The following NCBP3 variants were observed in gnomAD, a reference collection of about 807,000 sequenced individuals.
NCBP3 encodes nuclear cap-binding protein subunit 3.
A neutral mutation model predicts 75.7 loss-of-function variants in NCBP3; 20 were observed. The observed-to-expected ratio is 0.26, with a 90% CI of 0.19 to 0.38. The LOEUF (loss-of-function observed/expected upper bound fraction) is 0.38, where lower values mean the gene tolerates loss of function less well. Ranked by LOEUF, NCBP3 falls within the 10% of genes least tolerant of loss-of-function variation. NCBP3 has a pLI of 1.00. For missense variants in NCBP3, 678 were observed against 796.9 expected (o/e 0.85, Z 1.80); for synonymous variants, 293 against 290.5 (o/e 1.01, Z -0.09).
intron 8 of NCBP3, 57 bp from the exon 9 acceptor site, chr17:3,821,409 T>C: frequency 7.4e-7 from 1 of 1,344,938 alleles, no homozygotes; most frequent in South Asian, 1.2e-5. Context: ...GACCTTGAAA[T>C]CCACTATTTC....
intron 11 of NCBP3, among the ~76,000 whole-genome samples, chr17:3,815,816 T>TA (rs1316832171): frequency 6.6e-6 from 1 of 152,188 alleles, no homozygotes; most frequent in African/African-American, 2.4e-5. Flanking sequence ...ATAAGGGACT[T>TA]AAGCATCAAT....
At chr17:3,819,849 T>C (rs982880864) in intron 9 of NCBP3, among the ~76,000 whole-genome samples, 2 of 152,178 alleles carry the variant, frequency 1.3e-5, no homozygotes, top group Admixed American at 6.5e-5. Flanking sequence ...ATAGGGGCAA[T>C]TTGCTTTTTA....
intron 3 of NCBP3, among the ~76,000 whole-genome samples, chr17:3,833,960 C>T (rs926750439): frequency 1.3e-5 from 2 of 152,192 alleles, no homozygotes; most frequent in Admixed American, 6.5e-5. Flanking sequence ...CTCTTTACTT[C>T]CCTTAGGCTG....
rs2053757781 is a variant in NCBP3 at position 3,824,998 on chromosome 17, C to T, written c.740G>A (p.Arg247His). 6.5e-7 allele frequency: 1 copy of T among 1,546,080 alleles called. No individual in the cohort carries two copies. The highest frequency in any genetic ancestry group is 1.2e-5 in the South Asian group (1 of 82,988). ...TCCTTTAGCAAGTTTGTTAGCTGGA[C>T]GAAGATCGTTTCTTAACAAAGACTC... ...EEESLLRNDLRPANKLAKGNR... is the reference protein window; with the variant it reads ...EEESLLRNDLHPANKLAKGNR... The change falls in exon 7 of 13, where the codon CGT becomes CAT. Residue 247 changes from arginine (R) to histidine (H), a missense_variant. Transcript: ENST00000389005.
intron 3 of NCBP3, among the ~76,000 whole-genome samples, chr17:3,833,219 C>T (rs1344239424): frequency 6.6e-6 from 1 of 152,184 alleles, no homozygotes; most frequent in Non-Finnish European, 1.5e-5. Context: ...CACAACTGCA[C>T]TCCAGCCTGG....
At chr17:3,839,492 C>T (rs1355964262) in intron 3 of NCBP3, among the ~76,000 whole-genome samples, 1 of 152,072 alleles carries the variant, frequency 6.6e-6, no homozygotes, top group Non-Finnish European at 1.5e-5. Flanking sequence ...AGATTACAGG[C>T]GCCAGCCATC....
chr17:3,822,633 T>C (rs979240094), intron 7 of NCBP3: 3 of 152,252 alleles, frequency 2.0e-5, no homozygotes, highest in African/African-American at 4.8e-5. Context: ...ATTTGTCAAG[T>C]TGAAATGTCA....
At chr17:3,813,852 C>T (rs1437783282) in intron 12 of NCBP3, among the ~76,000 whole-genome samples, 1 of 152,092 alleles carries the variant, frequency 6.6e-6, no homozygotes, top group Non-Finnish European at 1.5e-5. Context: ...TTAGTAGAGA[C>T]AGGGTTTCAC....
intron 4 of NCBP3, 111 bp from the exon 5 acceptor site, chr17:3,826,326 A>T: frequency 4.8e-6 from 5 of 1,040,722 alleles, no homozygotes; most frequent in Non-Finnish European, 6.8e-6. Context: ...ACAGATTATC[A>T]TCAGTAAATA....
In NCBP3 at chr17:3,812,764, T is replaced by C; in HGVS notation, c.*280A>G. The stretch of plus-strand genomic sequence containing the variant: ...TGTTAAAAATATTAAGAAAAATGTC[T>C]ACAAAATCTGGAGGGCTGCCTTTTT... On this transcript the variant is annotated 3_prime_UTR_variant, in exon 13 of 13. Transcript: ENST00000389005. The C allele has an allele frequency of 8.0e-7, 1 of 1,256,636 alleles. No individual in the cohort carries two copies. The highest frequency in any genetic ancestry group is 1.0e-6 in the Non-Finnish European group (1 of 994,572). 77.8% of individuals were successfully genotyped at this position (1,256,636 alleles called of 1,614,324 possible).
At position 3,832,144 on chromosome 17, in the gene NCBP3, A is replaced by G. The variant is rs1261366087; in HGVS notation, c.356-2776T>C. ...GGTTGCAGTAAGCCGAGATTGTGCC[A>G]TTGCACTCCAGACTGGGCGACAGGG... On this transcript the variant is annotated intron_variant, in intron 3 of 12. Transcript: ENST00000389005. Among the ~76,000 whole-genome samples, 8 of 104,638 alleles carry G rather than the reference A, an allele frequency of 7.6e-5. 3 individuals carry two copies. The Admixed American group carries it at 8.3e-4, about 11-fold the overall frequency. 68.6% of individuals were successfully genotyped at this position (104,638 alleles called of 152,430 possible).
At chr17:3,819,987 C>T (rs948203135) in intron 9 of NCBP3, among the ~76,000 whole-genome samples, 1 of 152,150 alleles carries the variant, frequency 6.6e-6, no homozygotes, top group South Asian at 2.1e-4. Context: ...AAGTCTTGCT[C>T]TGTCGCCCAG....
rs1469704250 is a variant in NCBP3, at chr17:3,811,347, G to T, written c.*1697C>A. 6 of 152,112 alleles carry T rather than the reference G, an allele frequency of 3.9e-5. No homozygotes were observed. The highest frequency in any genetic ancestry group is 2.6e-4 in the Admixed American group (4 of 15,248). 9.4% of individuals were successfully genotyped at this position (152,112 alleles called of 1,614,324 possible). ...TGGCTCTCAGCTGTATGCTTCACAG[G>T]GAAAGAAAAGCTGAGAAATCTCAGA... On this transcript the variant is annotated 3_prime_UTR_variant, in exon 13 of 13. Transcript: ENST00000389005.
intron 1 of NCBP3, 64 bp from the exon 2 acceptor site, chr17:3,843,215 C>T (rs1361026485): frequency 8.4e-6 from 11 of 1,317,336 alleles, no homozygotes; most frequent in African/African-American, 3.0e-5. Context: ...TAATAAAAGT[C>T]GGCCTGACAT....
At chr17:3,813,515 G>A (rs1447456143) in intron 12 of NCBP3, among the ~76,000 whole-genome samples, 1 of 152,184 alleles carries the variant, frequency 6.6e-6, no homozygotes, top group Admixed American at 6.5e-5. Context: ...GGACAGGTCA[G>A]GTCCCTCCCT....
chr17:3,841,519 G>A (rs1371323427), intron 2 of NCBP3, among the ~76,000 whole-genome samples: 2 of 150,924 alleles, frequency 1.3e-5, no homozygotes, highest in African/African-American at 4.9e-5. Flanking sequence ...GTAAGATTAT[G>A]AATAGTTTAC....
rs2053369275 is a variant in NCBP3 at position 3,809,176 on chromosome 17, C to G, written c.*3868G>C. 1 of 152,092 alleles carries G rather than the reference C, an allele frequency of 6.6e-6. No homozygotes were observed. Among genetic ancestry groups the G allele is most frequent in the Admixed American group, 6.6e-5 (1 of 15,262 alleles). The allele number at this position is 152,092 out of a possible 1,614,324, so 9.4% of individuals were successfully genotyped here. ...AAAAAACTACAATGAGATACCACTT[C>G]ACACCAGAAAATAATGAGTGTTGGT... On this transcript the variant is annotated 3_prime_UTR_variant, in exon 13 of 13. Coordinates refer to ENST00000389005, the MANE Select transcript of NCBP3 (RefSeq NM_001114118.3).
At chr17:3,831,017 T>G (rs112081044) in intron 3 of NCBP3, among the ~76,000 whole-genome samples, 11,380 of 151,704 alleles carry the variant, frequency 0.075, 1,063 homozygotes, top group African/African-American at 0.22. Context: ...GTTCAAGCTA[T>G]TCTCCCGTCT....
intron 3 of NCBP3, among the ~76,000 whole-genome samples, chr17:3,834,984 G>A (rs1047046172): frequency 6.6e-6 from 1 of 152,134 alleles, no homozygotes. Flanking sequence ...GGAACTGTGG[G>A]CCTTATGGTA....
Sources: gnomAD v4.1 joint callset for allele counts (sites outside exome capture counted in the v4.1 genomes callset) on GRCh38, gnomAD v4.1.1 for gene constraint, MANE v1.5 for transcripts, NCBI Gene and HGNC (gene_info 2026-07-23, HGNC 2026-07-21) for gene names.